Variants in CACNA2D3 observed in about 807,000 individuals in gnomAD.
CACNA2D3 encodes calcium voltage-gated channel auxiliary subunit alpha2delta 3, also known as voltage-dependent calcium channel subunit alpha-2/delta-3.
CACNA2D3 carries 60 observed loss-of-function variants against 160.6 expected under a neutral mutation model. That is an observed-to-expected ratio of 0.37 (90% CI 0.30 to 0.46). CACNA2D3 has a LOEUF of 0.46. Ranked by LOEUF, CACNA2D3 falls within the 20% of genes least tolerant of loss-of-function variation. CACNA2D3 has a pLI of 1.00. For missense variants in CACNA2D3, 1,205 were observed against 1,365.0 expected, an observed-to-expected ratio of 0.88 and a Z score of 1.85; for synonymous variants, 558 against 492.9, an observed-to-expected ratio of 1.13 and a Z score of -1.75.
chr3:54,759,177 A>G (rs1245306157), intron 12 of CACNA2D3, among the ~76,000 whole-genome samples: 4 of 152,334 alleles, frequency 2.6e-5, no homozygotes, highest in African/African-American at 7.2e-5. Context: ...CGAGCAGACC[A>G]TTTGTAATAG....
intron 11 of CACNA2D3, among the ~76,000 whole-genome samples, chr3:54,736,403 T>A (rs1701533375): frequency 6.6e-6 from 1 of 152,028 alleles, no homozygotes; most frequent in South Asian, 2.1e-4. Flanking sequence ...AAATCTTCAT[T>A]TCTTTATATG....
intron 14 of CACNA2D3, among the ~76,000 whole-genome samples, chr3:54,820,135 G>A (rs1703555268): frequency 6.6e-6 from 1 of 152,178 alleles, no homozygotes; most frequent in African/African-American, 2.4e-5. Flanking sequence ...ATGAGGTCAT[G>A]AGCGCATACG....
At chr3:54,241,039 C>A (rs1485936485) in intron 2 of CACNA2D3, among the ~76,000 whole-genome samples, 1 of 152,212 alleles carries the variant, frequency 6.6e-6, no homozygotes, top group South Asian at 2.1e-4. Flanking sequence ...CTGCACCTGG[C>A]TAGAGTCTTT....
chr3:54,709,076 G>A (rs1231363402), intron 11 of CACNA2D3, among the ~76,000 whole-genome samples: 1 of 148,116 alleles, frequency 6.8e-6, no homozygotes, highest in Non-Finnish European at 1.5e-5. Flanking sequence ...ATGACTCAAT[G>A]TCGGCTCACT....
chr3:54,557,143 T>A (rs1303231449), intron 5 of CACNA2D3, among the ~76,000 whole-genome samples: 1 of 152,220 alleles, frequency 6.6e-6, no homozygotes, highest in Non-Finnish European at 1.5e-5. Context: ...ACTGTGATTA[T>A]GTTACAAGCC....
intron 30 of CACNA2D3, among the ~76,000 whole-genome samples, chr3:54,986,493 CAA>C (rs961081494): frequency 5.9e-5 from 9 of 152,136 alleles, no homozygotes; most frequent in Non-Finnish European, 8.8e-5. Context: ...CAAAAGTTTC[CAA>C]GTTTCCCTGT....
intron 29 of CACNA2D3, among the ~76,000 whole-genome samples, chr3:54,983,065 C>G (rs779094492): frequency 3.3e-5 from 5 of 152,160 alleles, no homozygotes; most frequent in Admixed American, 3.3e-4. Context: ...TGGAATTGCT[C>G]TGGTTCAAAT....
chr3:54,793,461 C>T (rs926899813), intron 13 of CACNA2D3, among the ~76,000 whole-genome samples: 8 of 152,166 alleles, frequency 5.3e-5, no homozygotes, highest in East Asian at 1.9e-4. Context: ...TATATCTGTG[C>T]GAGAGGTTTA....
At chr3:54,280,736 C>T (rs1001520627) in intron 2 of CACNA2D3, among the ~76,000 whole-genome samples, 3 of 152,150 alleles carry the variant, frequency 2.0e-5, no homozygotes, top group Non-Finnish European at 4.4e-5. Context: ...TGCCTTTGAG[C>T]CTTTGCTTTG....
intron 2 of CACNA2D3, among the ~76,000 whole-genome samples, chr3:54,261,926 G>C (rs977117665): frequency 1.3e-5 from 2 of 152,162 alleles, no homozygotes; most frequent in Non-Finnish European, 2.9e-5. Context: ...ACCCCCCCAT[G>C]GTGCCTGACT....
intron 18 of CACNA2D3, 102 bp downstream of exon 18, chr3:54,871,724 G>GATCT: frequency 1.2e-6 from 1 of 814,038 alleles, no homozygotes; most frequent in Non-Finnish European, 2.0e-6. Flanking sequence ...CCACTGAAGG[G>GATCT]ACACCTGGCT....
intron 9 of CACNA2D3, among the ~76,000 whole-genome samples, chr3:54,594,179 AT>A (rs933447366): frequency 2.0e-5 from 3 of 152,082 alleles, no homozygotes; most frequent in African/African-American, 7.2e-5. Context: ...TGTTAGCAAA[AT>A]TTTTTTGTTA....
At chr3:54,247,596 T>C (rs1010065812) in intron 2 of CACNA2D3, among the ~76,000 whole-genome samples, 7 of 151,998 alleles carry the variant, frequency 4.6e-5, no homozygotes, top group Non-Finnish European at 7.4e-5. Flanking sequence ...AATAGGAACA[T>C]TGTAAATATA....
intron 13 of CACNA2D3, among the ~76,000 whole-genome samples, chr3:54,775,812 G>C (rs1252617889): frequency 6.6e-6 from 1 of 152,174 alleles, no homozygotes; most frequent in Non-Finnish European, 1.5e-5. Context: ...ACCCACTCAA[G>C]CTGTGAGAAA....
At chr3:54,673,345 A>G (rs541403393) in intron 11 of CACNA2D3, among the ~76,000 whole-genome samples, 193 of 152,334 alleles carry the variant, frequency 1.3e-3, no homozygotes, top group African/African-American at 4.3e-3. Flanking sequence ...AGGTTTCTTC[A>G]TTACTGGACT....
At chr3:54,162,455 A>G (rs1700363995) in intron 2 of CACNA2D3, among the ~76,000 whole-genome samples, 1 of 152,110 alleles carries the variant, frequency 6.6e-6, no homozygotes, top group African/African-American at 2.4e-5. Flanking sequence ...GTCTCTGTCT[A>G]GGATGGTTTG....
intron 35 of CACNA2D3, among the ~76,000 whole-genome samples, chr3:55,019,250 G>A (rs1703396240): frequency 6.6e-6 from 1 of 151,736 alleles, no homozygotes; most frequent in African/African-American, 2.4e-5. Flanking sequence ...GTATTTAAGA[G>A]AACAAGCTCC....
chr3:54,979,866 T>A lies in CACNA2D3; in HGVS notation c.2557-4742T>A, dbSNP rs187782417. 5.3e-5 allele frequency among the ~76,000 whole-genome samples: 8 copies of A among 152,324 alleles called. 1 individual carries two copies. The highest frequency in any genetic ancestry group is 4.6e-4 in the Admixed American group (7 of 15,288). On this transcript the variant is annotated intron_variant, in intron 29 of 37. Transcript: ENST00000474759. ...AAACAAGACAACAGTTGTCTGTGGA[T>A]GATAAAAAGTCTTAGGACAGCCACT... is the stretch of plus-strand genomic sequence containing the variant.
At chr3:54,640,233 G>A (rs1045972352) in intron 10 of CACNA2D3, among the ~76,000 whole-genome samples, 3 of 152,184 alleles carry the variant, frequency 2.0e-5, no homozygotes, top group Non-Finnish European at 4.4e-5. Context: ...AGCTAAGTGA[G>A]GGAAGAGATT....
Sources: gnomAD v4.1 joint callset for allele counts (sites outside exome capture counted in the v4.1 genomes callset) on GRCh38, gnomAD v4.1.1 for gene constraint, MANE v1.5 for transcripts, NCBI Gene and HGNC (gene_info 2026-07-23, HGNC 2026-07-21) for gene names.